Variants in SLC46A3 observed in about 807,000 individuals in gnomAD.
SLC46A3 encodes lysosomal proton-coupled steroid conjugate and bile acid symporter SLC46A3.
Under a neutral mutation model 38.5 loss-of-function variants are expected in SLC46A3, and 26 were observed. The ratio of observed to expected loss-of-function variants is 0.68; its 90% confidence interval spans 0.49 to 0.94. The LOEUF is 0.94. Ranked by LOEUF, SLC46A3 falls within the 40% of genes least tolerant of loss-of-function variation. The probability of loss-of-function intolerance (pLI) is 0.00; values close to 1 mark genes in which losing one functional copy is unlikely to be tolerated. For synonymous variants in SLC46A3, 185 were observed against 192.5 expected, an observed-to-expected ratio of 0.96 and a Z score of 0.32; for missense variants, 510 against 544.3, an observed-to-expected ratio of 0.94 and a Z score of 0.63.
chr13:28,717,781 T>G (rs759135879), intron 2 of SLC46A3, 29 bp downstream of exon 2: 1 of 1,597,290 alleles, frequency 6.3e-7, no homozygotes, highest in Non-Finnish European at 8.5e-7. Flanking sequence ...CCCATTTTAT[T>G]AAATACTATG....
rs757225275 is a variant in SLC46A3 at position 28,701,508 on chromosome 13, A to C, written c.1375T>G (p.Ser459Ala). 12 of 1,613,110 alleles carry C rather than the reference A, an allele frequency of 7.4e-6. No homozygotes were observed. The highest frequency in any genetic ancestry group is 7.6e-6 in the Non-Finnish European group (9 of 1,179,470). The change falls in exon 6 of 6, where the codon TCA becomes GCA. Residue 459 changes from serine (S) to alanine (A), a missense_variant. Transcript: ENST00000266943. Reference sequence around the variant, plus strand: ...TGTTTAAATCACAGTCACCTGTCTGAAGCATCTTCACTGGATTCTTCTTGT... The same window carrying C: ...TGTTTAAATCACAGTCACCTGTCTGCAGCATCTTCACTGGATTCTTCTTGT... ...LIQEESSEDA[S>A]DR
intron 5 of SLC46A3, 102 bp downstream of exon 5, chr13:28,703,841 C>G (rs946721821): frequency 9.2e-7 from 1 of 1,083,482 alleles, no homozygotes; most frequent in Non-Finnish European, 1.3e-6. Context: ...AAAGCACGTT[C>G]TGAGGCAAAA....
At chr13:28,710,649 T>C (rs1885314856) in intron 4 of SLC46A3, 111 bp downstream of exon 4, 1 of 824,146 alleles carries the variant, frequency 1.2e-6, no homozygotes. Context: ...CAAAAGGAGA[T>C]CCGTGCATAA....
At chr13:28,715,325 A>AG (rs750667227) in intron 2 of SLC46A3, among the ~76,000 whole-genome samples, 11 of 152,264 alleles carry the variant, frequency 7.2e-5, no homozygotes, top group Non-Finnish European at 1.5e-4. Flanking sequence ...TGTGGGCAGT[A>AG]GGGGGCTCTC....
chr13:28,717,217 C>CT (rs1449912301), intron 2 of SLC46A3, among the ~76,000 whole-genome samples: 2 of 152,030 alleles, frequency 1.3e-5, no homozygotes, highest in African/African-American at 4.8e-5. Context: ...CCAGATGTCC[C>CT]CACACAGCTG....
In SLC46A3 at chr13:28,715,978, CA is replaced by C. The variant is rs10594317; in HGVS notation, c.189+1831del. On this transcript the variant is annotated intron_variant, in intron 2 of 5. Transcript: ENST00000266943. ...GAAACAGAGGAAGACCCTGTCTCTA[CA>C]AAAAAAAAAAAAAAAAATCAAAAAT... Among the ~76,000 whole-genome samples the C allele has an allele frequency of 1.2e-3, 152 of 128,708 alleles. 1 individual carries two copies. The highest frequency in any genetic ancestry group is 4.0e-3 in the Middle Eastern group (1 of 248). 84.4% of individuals were successfully genotyped at this position (128,708 alleles called of 152,430 possible).
chr13:28,714,920 C>T (rs961198010), intron 2 of SLC46A3, among the ~76,000 whole-genome samples: 2 of 152,156 alleles, frequency 1.3e-5, no homozygotes, highest in Non-Finnish European at 2.9e-5. Flanking sequence ...TTTGCATGAT[C>T]TTAAAACATT....
At chr13:28,708,155 G>A (rs897032548) in intron 4 of SLC46A3, among the ~76,000 whole-genome samples, 3 of 152,144 alleles carry the variant, frequency 2.0e-5, no homozygotes, top group Non-Finnish European at 4.4e-5. Flanking sequence ...GATTTTATGT[G>A]GACATATGCT....
chr13:28,703,991 G>A lies in SLC46A3; in HGVS notation c.1253C>T (p.Thr418Ile). Residue 418 changes from threonine (T) to isoleucine (I), a missense_variant, in exon 5 of 6, where the codon ACT becomes ATT. Physicochemically the swap from Thr to Ile is moderately conservative, Grantham distance 89. Transcript: ENST00000266943. Reference protein sequence around the residue: ...SATVAWYPGFTFLLSAGLLLL... With the variant: ...SATVAWYPGFIFLLSAGLLLL... ...TAACAGACCAGCAGACAGCAGGAAA[G>A]TGAAGCCAGGGTACCAAGCAACAGT... 12 of 1,613,864 alleles carry A rather than the reference G, an allele frequency of 7.4e-6. No individual in the cohort carries two copies. The highest frequency in any genetic ancestry group is 1.0e-5 in the Non-Finnish European group (12 of 1,179,876).
chr13:28,701,701 A>C, intron 5 of SLC46A3, 120 bp from the exon 6 acceptor site: 1 of 870,374 alleles, frequency 1.1e-6, no homozygotes, highest in Non-Finnish European at 1.8e-6. Context: ...GATTATTAGG[A>C]GGAGTATCCT....
chr13:28,712,042 A>G (rs1253109210), intron 3 of SLC46A3, among the ~76,000 whole-genome samples: 1 of 152,206 alleles, frequency 6.6e-6, no homozygotes, highest in East Asian at 1.9e-4. Context: ...AGGGGTTAAC[A>G]CTTTTATTAG....
chr13:28,718,133 T>C (rs1183645710), intron 1 of SLC46A3, 111 bp from the exon 2 acceptor site: 3 of 816,848 alleles, frequency 3.7e-6, no homozygotes, highest in African/African-American at 1.7e-5. Flanking sequence ...ACAAGCAAAC[T>C]AGAGAACAGA....
chr13:28,709,521 T>C (rs1885281059), intron 4 of SLC46A3, among the ~76,000 whole-genome samples: 1 of 152,198 alleles, frequency 6.6e-6, no homozygotes, highest in Non-Finnish European at 1.5e-5. Context: ...ATAAGATTCA[T>C]ATGATACAAA....
intron 3 of SLC46A3, among the ~76,000 whole-genome samples, chr13:28,712,435 T>C (rs1885368710): frequency 2.0e-5 from 3 of 152,210 alleles, no homozygotes; most frequent in Admixed American, 2.0e-4. Flanking sequence ...AGAAGAATGT[T>C]CCTCAAAACA....
chr13:28,710,302 G>A (rs1002338909), intron 4 of SLC46A3, among the ~76,000 whole-genome samples: 3 of 152,158 alleles, frequency 2.0e-5, no homozygotes, highest in African/African-American at 7.2e-5. Context: ...AGAAGGAGTC[G>A]CCCCTTGGCT....
chr13:28,707,105 G>A (rs1885192872), intron 4 of SLC46A3, among the ~76,000 whole-genome samples: 1 of 152,044 alleles, frequency 6.6e-6, no homozygotes. Context: ...GCACACGTAT[G>A]TTTATTGTGG....
In SLC46A3 at chr13:28,713,422, C is replaced by A; in HGVS notation, c.318G>T (p.Leu106Phe). The change falls in exon 3 of 6, where the codon TTG (leucine) becomes TTT (phenylalanine). Residue 106 changes from leucine to phenylalanine, a missense_variant. Coordinates refer to ENST00000266943, the MANE Select transcript of SLC46A3 (RefSeq NM_181785.4). ...DHYGRKFPMILSSVGALATSV... is the reference protein window; with the variant it reads ...DHYGRKFPMIFSSVGALATSV... ...TGGTTGCAAGAGCACCAACGGAAGA[C>A]AAAATCATAGGGAATTTTCGTCCGT... The A allele has an allele frequency of 1.9e-6, 3 of 1,614,016 alleles. No individual in the cohort carries two copies. Among genetic ancestry groups the A allele is most frequent in the Non-Finnish European group, 2.5e-6 (3 of 1,180,008 alleles).
At chr13:28,710,079 C>A (rs1167062273) in intron 4 of SLC46A3, among the ~76,000 whole-genome samples, 1 of 152,170 alleles carries the variant, frequency 6.6e-6, no homozygotes, top group African/African-American at 2.4e-5. Flanking sequence ...AATGAATGAT[C>A]TAGGAGACCC....
In SLC46A3 at chr13:28,703,932, T is replaced by C. The variant is rs1885102033; in HGVS notation, c.1301+11A>G. ...TACCCTCTGATAAAATGATTAAAAATAATGACATACCATAGACTGATGGCT... is the reference window on the plus strand; with the variant it reads ...TACCCTCTGATAAAATGATTAAAAACAATGACATACCATAGACTGATGGCT... On this transcript the variant is annotated intron_variant, in intron 5 of 5. Transcript: ENST00000266943. 2 of 1,574,672 alleles carry C rather than the reference T, an allele frequency of 1.3e-6. No individual in the cohort carries two copies. The highest frequency in any genetic ancestry group is 1.4e-5 in the African/African-American group (1 of 72,544).
Sources: allele counts gnomAD v4.1 joint callset (sites outside exome capture counted in the v4.1 genomes callset), GRCh38; gene constraint gnomAD v4.1.1; transcripts MANE v1.5; gene names NCBI Gene and HGNC (gene_info 2026-07-23, HGNC 2026-07-21).